Variants in FAM217B observed in about 807,000 individuals in gnomAD.
FAM217B encodes family with sequence similarity 217 member B.
For missense variants in FAM217B, 463 were observed against 456.9 expected, an observed-to-expected ratio of 1.01 and a Z score of -0.12; for synonymous variants, 163 against 173.0, an observed-to-expected ratio of 0.94 and a Z score of 0.45.
chr20:59,939,187 G>C (rs1317687416), upstream of FAM217B: 2 of 1,609,092 alleles, frequency 1.2e-6, no homozygotes, highest in Non-Finnish European at 1.7e-6. Flanking sequence ...CGGGAGCCGA[G>C]CTCCAGCAGG....
At chr20:59,939,279 T>A (rs755539701), upstream of FAM217B, 3 of 1,610,648 alleles carry the variant, frequency 1.9e-6, no homozygotes, top group East Asian at 4.5e-5. Flanking sequence ...CGCCACCGCC[T>A]CGTGGGTACT....
upstream of FAM217B, chr20:59,939,142 C>T: frequency 6.2e-7 from 1 of 1,609,296 alleles, no homozygotes; most frequent in South Asian, 1.1e-5. Flanking sequence ...CAGTACTCGG[C>T]ACCCGCCACT....
upstream of FAM217B, chr20:59,936,816 TA>T (rs1408218920): frequency 6.6e-6 from 1 of 152,382 alleles, no homozygotes; most frequent in East Asian, 1.9e-4. Flanking sequence ...TGAAGCATAA[TA>T]GAATGGCTCA....
rs1178699522 is a variant in FAM217B, at chr20:59,947,922, T to G, written c.*2827T>G. On this transcript the variant is annotated 3_prime_UTR_variant, in exon 4 of 4. Transcript: ENST00000360816. ...AATTCATCAAGTCAAAAGCACTGAG[T>G]GTTTTGCTAGTCTAGTGACATGGGT... 6.0e-6 allele frequency: 1 copy of G among 166,728 alleles called. No individual in the cohort carries two copies. Among genetic ancestry groups the G allele is most frequent in the South Asian group, 2.1e-4 (1 of 4,818 alleles). 10.3% of individuals were successfully genotyped at this position (166,728 alleles called of 1,614,324 possible).
intron 1 of FAM217B, among the ~76,000 whole-genome samples, chr20:59,934,358 C>A (rs1040290755): frequency 5.9e-5 from 9 of 152,220 alleles, no homozygotes; most frequent in African/African-American, 2.2e-4. Flanking sequence ...AATCGCAGGC[C>A]CTTCTGAGAC....
rs1033749409 is a variant in FAM217B at position 59,945,597 on chromosome 20, C to T, written c.*502C>T. On this transcript the variant is annotated 3_prime_UTR_variant, in exon 4 of 4. Coordinates refer to ENST00000360816, the MANE Select transcript of FAM217B (RefSeq NM_022106.3). ...CAAGCAAAATTTCTGTTCATTTTAC[C>T]CTTAGGAGAAGCTTTAGTTCTTCCT... 6.5e-5 allele frequency: 11 copies of T among 168,144 alleles called. No individual in the cohort carries two copies. The highest frequency in any genetic ancestry group is 2.7e-4 in the African/African-American group (11 of 41,446). 10.4% of individuals were successfully genotyped at this position (168,144 alleles called of 1,614,324 possible).
chr20:59,943,920 G>A lies in FAM217B; in HGVS notation c.-4-20G>A. ...TTTTTTGTCATATGTGGTAAGAATT[G>A]CAGTTTTATTTTCTCACAGCAATAT... On this transcript the variant is annotated intron_variant, in intron 3 of 3. Transcript: ENST00000360816. The A allele has an allele frequency of 6.5e-7, 1 of 1,549,706 alleles. No homozygotes were observed. The highest frequency in any genetic ancestry group is 8.7e-7 in the Non-Finnish European group (1 of 1,148,418).
rs1338095319 is a variant in FAM217B, at chr20:59,944,478, G to T, written c.535G>T (p.Gly179Trp). The T allele has an allele frequency of 6.2e-7, 1 of 1,613,836 alleles. No individual in the cohort carries two copies. The highest frequency in any genetic ancestry group is 1.3e-5 in the African/African-American group (1 of 74,850). The change falls in exon 4 of 4, where the codon GGG becomes TGG. Residue 179 changes from glycine (G) to tryptophan (W), a missense_variant. Transcript: ENST00000360816. ...EAVPRVGGLL[G>W]KYIDRLIQLE... ...CGTGCCCCGAGTGGGAGGACTTCTTGGGAAGTATATCGATAGACTTATTCA... is the reference window on the plus strand; with the variant it reads ...CGTGCCCCGAGTGGGAGGACTTCTTTGGAAGTATATCGATAGACTTATTCA...
chr20:59,939,766 C>T (rs2060888314), upstream of FAM217B: 3 of 1,222,392 alleles, frequency 2.5e-6, no homozygotes, highest in Non-Finnish European at 3.1e-6. Context: ...CCCGACGGCG[C>T]TGGCGTTGGC....
At position 59,944,564 on chromosome 20, in the gene FAM217B, GC is replaced by G; in HGVS notation, c.627del (p.Thr210LeufsTer9). The G allele has an allele frequency of 1.2e-6, 2 of 1,613,828 alleles. No homozygotes were observed. Among genetic ancestry groups the G allele is most frequent in the East Asian group, 2.2e-5 (1 of 44,864 alleles). ...AAAAAGCAAAGGGGGGCAAAGCAAG[GC>G]CCCCCACTGCCCCTGGGACCTCAGG... ...CEKAKGGKAR[P>X]PTAPGTSGAL... On this transcript the variant is annotated frameshift_variant, in exon 4 of 4. Transcript: ENST00000360816. LOFTEE classifies it low-confidence loss of function (END_TRUNC).
intron 1 of FAM217B, among the ~76,000 whole-genome samples, chr20:59,940,898 T>G (rs2060900697): frequency 6.6e-6 from 1 of 152,158 alleles, no homozygotes; most frequent in Non-Finnish European, 1.5e-5. Context: ...GTTGTCTTCC[T>G]GGACTCCGCG....
chr20:59,940,029 G>T, upstream of FAM217B: 1 of 1,052,844 alleles, frequency 9.5e-7, no homozygotes, highest in Non-Finnish European at 1.2e-6. Context: ...AGAGTCCACC[G>T]TATCTGCAAC....
At chr20:59,936,290 ACT>A (rs1175689078), upstream of FAM217B, among the ~76,000 whole-genome samples, 2 of 152,172 alleles carry the variant, frequency 1.3e-5, no homozygotes, top group Admixed American at 1.3e-4. Context: ...TACTTACACC[ACT>A]CTGAGCTTTA....
chr20:59,939,621 C>T (rs767856797), upstream of FAM217B: 3 of 1,586,136 alleles, frequency 1.9e-6, no homozygotes, highest in African/African-American at 2.7e-5. Flanking sequence ...GTCGGCGAAG[C>T]GCACGCGGAG....
chr20:59,935,321 T>A (rs2145942274), intron 1 of FAM217B, among the ~76,000 whole-genome samples: 1 of 152,342 alleles, frequency 6.6e-6, no homozygotes, highest in South Asian at 2.1e-4. Context: ...TAGTCTTTTT[T>A]ATTGCTTCAT....
At position 59,944,675 on chromosome 20, in the gene FAM217B, A is replaced by AGGCCCTTCCCGAAAGAAAGCTT. The variant is rs2060926403; in HGVS notation, c.733_754dup (p.Phe252TrpfsTer11). 1 of 1,614,164 alleles carries AGGCCCTTCCCGAAAGAAAGCTT rather than the reference A, an allele frequency of 6.2e-7. No homozygotes were observed. The highest frequency in any genetic ancestry group is 8.5e-7 in the Non-Finnish European group (1 of 1,180,030). On this transcript the variant is annotated frameshift_variant, in exon 4 of 4. Coordinates refer to ENST00000360816, the MANE Select transcript of FAM217B (RefSeq NM_022106.3). LOFTEE classifies it low-confidence loss of function (END_TRUNC). Reference sequence around the variant, plus strand: ...CTCACCAGGAAGGGGCTTCAAAGTCAGGCCCTTCCCGAAAGAAAGCTTTTC... The same window carrying AGGCCCTTCCCGAAAGAAAGCTT: ...CTCACCAGGAAGGGGCTTCAAAGTCAGGCCCTTCCCGAAAGAAAGCTTGGCCCTTCCCGAAAGAAAGCTTTTC...
chr20:59,934,006 T>C (rs1246442688), intron 1 of FAM217B, among the ~76,000 whole-genome samples: 1 of 151,952 alleles, frequency 6.6e-6, no homozygotes, highest in Admixed American at 6.5e-5. Context: ...CAGGAAGGGA[T>C]GGAAGGGACG....
At position 59,942,486 on chromosome 20, in the gene FAM217B, G is replaced by A. The variant is rs1281189930; in HGVS notation, c.-31G>A. On this transcript the variant is annotated 5_prime_UTR_variant, in exon 3 of 4. Transcript: ENST00000360816. ...GTGATTTTTTCAAGAAGAGGAATAG[G>A]GTGAATGAATCTCATCAGAAAAGCA... The A allele has an allele frequency of 6.6e-6, 1 of 152,044 alleles. No individual in the cohort carries two copies. The highest frequency in any genetic ancestry group is 1.5e-5 in the Non-Finnish European group (1 of 67,990). 9.4% of individuals were successfully genotyped at this position (152,044 alleles called of 1,614,324 possible).
At chr20:59,936,238 A>G (rs2060861336), upstream of FAM217B, among the ~76,000 whole-genome samples, 1 of 152,222 alleles carries the variant, frequency 6.6e-6, no homozygotes, top group African/African-American at 2.4e-5. Flanking sequence ...CGTCATATAT[A>G]CAGTTACCCT....
Sources: gnomAD v4.1 joint callset for allele counts (sites outside exome capture counted in the v4.1 genomes callset) on GRCh38, gnomAD v4.1.1 for gene constraint, MANE v1.5 for transcripts, NCBI Gene and HGNC (gene_info 2026-07-23, HGNC 2026-07-21) for gene names.